The following LRP1B variants were observed in gnomAD, a reference collection of about 807,000 sequenced individuals.
The protein encoded by LRP1B is low-density lipoprotein receptor-related protein 1B.
LRP1B carries 217 observed loss-of-function variants against 556.6 expected under a neutral mutation model. The observed-to-expected ratio is 0.39, with a 90% CI of 0.35 to 0.44. LRP1B has a LOEUF of 0.44. Among genes scored for constraint, LRP1B ranks in the 20% least tolerant of loss-of-function variants. The pLI is 1.00. For missense variants in LRP1B, 5,053 were observed against 5,620.8 expected, an observed-to-expected ratio of 0.90 and a Z score of 3.23; for synonymous variants, 2,047 against 1,865.8, an observed-to-expected ratio of 1.10 and a Z score of -2.50.
At chr2:141,287,403 A>G (rs1485539586) in intron 3 of LRP1B, among the ~76,000 whole-genome samples, 1 of 151,516 alleles carries the variant, frequency 6.6e-6, no homozygotes, top group African/African-American at 2.4e-5. Flanking sequence ...GCTCACTGCA[A>G]GCTCCGCCTC....
intron 2 of LRP1B, among the ~76,000 whole-genome samples, chr2:141,721,946 T>A (rs1692832045): frequency 6.6e-6 from 1 of 152,284 alleles, no homozygotes; most frequent in African/African-American, 2.4e-5. Flanking sequence ...TAAAACCCCA[T>A]AGAATCTGTT....
intron 1 of LRP1B, among the ~76,000 whole-genome samples, chr2:141,823,355 G>A (rs78837745): frequency 0.08 from 12,106 of 152,184 alleles, 504 homozygotes; most frequent in East Asian, 0.12. Context: ...GAACATGAAG[G>A]CCAGCACAGT....
At chr2:140,885,376 T>C (rs964827751) in intron 24 of LRP1B, among the ~76,000 whole-genome samples, 9 of 150,210 alleles carry the variant, frequency 6.0e-5, no homozygotes, top group African/African-American at 2.0e-4. Flanking sequence ...TTTTTTGAGA[T>C]AAAGTATTCT....
At chr2:140,650,246 A>T (rs1559031425) in intron 41 of LRP1B, among the ~76,000 whole-genome samples, 1 of 151,690 alleles carries the variant, frequency 6.6e-6, no homozygotes, top group Non-Finnish European at 1.5e-5. Flanking sequence ...CAGAAAATTT[A>T]AAAGAGAGGA....
Position 141,489,011 on chromosome 2 carries a change from C to G in LRP1B, c.206-8478G>C, listed in dbSNP as rs575751451. Among the ~76,000 whole-genome samples the G allele has an allele frequency of 2.0e-3, 286 of 145,248 alleles. 1 individual carries two copies. Among genetic ancestry groups the G allele is most frequent in the African/African-American group, 6.7e-3 (258 of 38,774 alleles). On this transcript the variant is annotated intron_variant, in intron 2 of 90. Transcript: ENST00000389484. ...TGTTTTTTTGAGACGGGGTCTTGTT[C>G]TATTGCCCAGGCTGGAGTGCAGTGG...
chr2:140,375,153 T>C (rs761574614), intron 68 of LRP1B, among the ~76,000 whole-genome samples: 2 of 148,760 alleles, frequency 1.3e-5, no homozygotes, highest in Non-Finnish European at 3.0e-5. Flanking sequence ...TGTGAACTCA[T>C]TGATTTTTAT....
chr2:141,836,060 C>T (rs534976767), intron 1 of LRP1B, among the ~76,000 whole-genome samples: 119 of 152,024 alleles, frequency 7.8e-4, no homozygotes, highest in African/African-American at 2.8e-3. Flanking sequence ...CAAAATGGAA[C>T]AAATCCTACA....
At chr2:141,126,795 A>G (rs1378589962) in intron 7 of LRP1B, among the ~76,000 whole-genome samples, 3 of 152,128 alleles carry the variant, frequency 2.0e-5, no homozygotes, top group Admixed American at 1.3e-4. Flanking sequence ...CCTTTTTACT[A>G]GCTCAGGTTC....
chr2:141,884,169 G>T (rs1037886638), intron 1 of LRP1B, among the ~76,000 whole-genome samples: 1 of 152,038 alleles, frequency 6.6e-6, no homozygotes, highest in Admixed American at 6.6e-5. Flanking sequence ...GAGGCCAGGG[G>T]TTTGAGACCA....
chr2:141,422,569 T>C (rs1680182385), intron 3 of LRP1B, among the ~76,000 whole-genome samples: 1 of 152,198 alleles, frequency 6.6e-6, no homozygotes, highest in Non-Finnish European at 1.5e-5. Flanking sequence ...CAAAAAATTA[T>C]ACACACATGC....
chr2:141,901,627 C>G (rs1349952565), intron 1 of LRP1B, among the ~76,000 whole-genome samples: 1 of 151,698 alleles, frequency 6.6e-6, no homozygotes, highest in Non-Finnish European at 1.5e-5. Flanking sequence ...GATGAAGTCT[C>G]AACACTTCAA....
chr2:140,868,701 G>A (rs1286006927), intron 25 of LRP1B, among the ~76,000 whole-genome samples: 2 of 152,158 alleles, frequency 1.3e-5, no homozygotes, highest in Non-Finnish European at 2.9e-5. Flanking sequence ...TAGAAGCATA[G>A]TGAGTGAGGA....
chr2:141,498,646 C>A (rs1407603939), intron 2 of LRP1B, among the ~76,000 whole-genome samples: 2 of 152,012 alleles, frequency 1.3e-5, no homozygotes, highest in Non-Finnish European at 2.9e-5. Context: ...CCCACTCCCC[C>A]AGCCCCCATC....
chr2:140,898,688 G>T, intron 23 of LRP1B: 1 of 473,518 alleles, frequency 2.1e-6, no homozygotes. Flanking sequence ...TTCTAGAGAT[G>T]CTACGCCTAA....
chr2:141,433,806 T>C (rs955233104), intron 3 of LRP1B, among the ~76,000 whole-genome samples: 1 of 151,952 alleles, frequency 6.6e-6, no homozygotes, highest in African/African-American at 2.4e-5. Flanking sequence ...ATGTTTTCCA[T>C]AAAATTAGGG....
chr2:141,950,652 C>T (rs558703680), intron 1 of LRP1B, among the ~76,000 whole-genome samples: 2 of 152,004 alleles, frequency 1.3e-5, no homozygotes, highest in South Asian at 4.1e-4. Flanking sequence ...ATTAAATATG[C>T]TTTTTTTTCT....
chr2:141,822,130 C>CACACACACAG (rs374369026), intron 1 of LRP1B, among the ~76,000 whole-genome samples: 221 of 95,864 alleles, frequency 2.3e-3, no homozygotes, highest in South Asian at 0.014. Context: ...CACACACACA[C>CACACACACAG]AGAGAGAGAG....
chr2:140,832,491 A>T (rs1164358812), intron 31 of LRP1B, among the ~76,000 whole-genome samples: 1 of 152,318 alleles, frequency 6.6e-6, no homozygotes, highest in African/African-American at 2.4e-5. Flanking sequence ...TACAATAATC[A>T]TAAGTGTCTA....
chr2:142,092,414 A>G (rs899091850), intron 1 of LRP1B, among the ~76,000 whole-genome samples: 1 of 152,122 alleles, frequency 6.6e-6, no homozygotes, highest in African/African-American at 2.4e-5. Context: ...CTTCATGATA[A>G]TTCCTCAAGA....
Sources: allele counts gnomAD v4.1 joint callset (sites outside exome capture counted in the v4.1 genomes callset), GRCh38; gene constraint gnomAD v4.1.1; transcripts MANE v1.5; gene names NCBI Gene and HGNC (gene_info 2026-07-23, HGNC 2026-07-21).